SMG8: variants seen among roughly 807,000 people sequenced by gnomAD.
The protein encoded by SMG8 is SMG8 nonsense mediated mRNA decay factor.
A neutral mutation model predicts 82.1 loss-of-function variants in SMG8; 49 were observed. The ratio of observed to expected loss-of-function variants is 0.60; its 90% CI spans 0.47 to 0.76. The LOEUF is 0.76. Ranked by LOEUF, SMG8 falls within the 30% of genes least tolerant of loss-of-function variation. The pLI, the probability that SMG8 is intolerant of heterozygous loss-of-function variation, is 0.00. For synonymous variants in SMG8, 404 were observed against 430.0 expected (o/e 0.94, Z 0.75); for missense variants, 969 against 1,166.4 (o/e 0.83, Z 2.46).
Position 59,214,948 on chromosome 17 carries a change from G to A in SMG8, c.2922G>A (p.Val974=). 1.1e-6 allele frequency: 1 copy of A among 872,902 alleles called. No homozygotes were observed. The highest frequency in any genetic ancestry group is 2.4e-5 in the East Asian group (1 of 41,698). The allele number at this position is 872,902 out of a possible 1,614,324, so 54.1% of individuals were successfully genotyped here. The change falls in exon 4 of 4, where the codon GTG becomes GTA. Residue 974 remains valine, a synonymous_variant. Transcript: ENST00000300917. ...CTTGTTTCCCCCCTAAGGAAAATGT[G>A]CAGTTAATGAGCTACAAGGTGCTCC... The part of the protein sequence containing the change: ...RGPCFPPKEN[V]QLMSYKVLRG...
In SMG8 at chr17:59,210,732, C is replaced by G. The variant is rs1169670381; in HGVS notation, c.681C>G (p.Phe227Leu). ...CSFDITYDRV[F>L]RALDGLRQKV... is the part of the protein sequence containing the mutation. ...TTGATATCACTTATGATCGAGTATT[C>G]AGAGCCCTGGATGGGCTGAGACAGA... Residue 227 changes from phenylalanine to leucine, a missense_variant, in exon 1 of 4, where the codon TTC (phenylalanine) becomes TTG (leucine). Transcript: ENST00000300917. 4 of 1,613,920 alleles carry G rather than the reference C, an allele frequency of 2.5e-6. No individual in the cohort carries two copies. The African/African-American group carries it at 4.0e-5, about 16-fold the overall frequency.
rs767611353 is a variant in SMG8 at position 59,210,402 on chromosome 17, G to C, written c.351G>C (p.Arg117=). The C allele has an allele frequency of 1.2e-6, 2 of 1,611,114 alleles. No individual in the cohort carries two copies. Among genetic ancestry groups the C allele is most frequent in the Admixed American group, 3.4e-5 (2 of 59,264 alleles). Residue 117 remains arginine (R), a synonymous_variant, in exon 1 of 4, where the codon CGG becomes CGC. Coordinates refer to ENST00000300917, the MANE Select transcript of SMG8 (RefSeq NM_018149.7). The part of the protein sequence containing the change: ...DPGAAAGGSV[R]GSGAVAEGNR... ...GGGCTGCAGCCGGGGGTTCAGTTCG[G>C]GGAAGTGGAGCTGTCGCGGAAGGTA...
At chr17:59,211,991 CTTATT>C (rs1053335336) in intron 1 of SMG8, 181 bp downstream of exon 1, 1 of 513,508 alleles carries the variant, frequency 1.9e-6, no homozygotes, top group African/African-American at 2.0e-5. Flanking sequence ...TGACTACTTT[CTTATT>C]TTTTTTCATT....
In SMG8 at chr17:59,211,482, G is replaced by A. The variant is rs1158105802; in HGVS notation, c.1431G>A (p.Lys477=). 5 of 1,613,802 alleles carry A rather than the reference G, an allele frequency of 3.1e-6. No individual in the cohort carries two copies. The highest frequency in any genetic ancestry group is 1.7e-4 in the Middle Eastern group (1 of 6,060). The change falls in exon 1 of 4, where the codon AAG becomes AAA. Residue 477 remains lysine (K), a synonymous_variant. Coordinates refer to ENST00000300917, the MANE Select transcript of SMG8 (RefSeq NM_018149.7). The part of the protein sequence containing the change: ...LGSPTGELTS[K]ILSSIKVLEG... ...CACCCACTGGAGAGCTAACATCTAA[G>A]ATTTTAAGCAGTATTAAAGTCTTGG...
Position 59,211,367 on chromosome 17 carries a change from A to G in SMG8, c.1316A>G (p.His439Arg). The change falls in exon 1 of 4, where the codon CAT (histidine) becomes CGT (arginine). Residue 439 changes from histidine (H) to arginine (R), a missense_variant. By Grantham distance (29) the His-to-Arg change is conservative (BLOSUM62 0). Around this residue, in one of 3 missense-constraint regions of SMG8, gnomAD observed 662 missense variants for 884.8 expected, o/e 0.75. Coordinates refer to ENST00000300917, the MANE Select transcript of SMG8 (RefSeq NM_018149.7). ...DSVGRNPQPS[H>R]FELPTYQKWI... is the part of the protein sequence containing the mutation. ...GTGGGCAGGAACCCACAGCCTTCCC[A>G]TTTTGAACTTCCTACTTATCAGAAG... 5 of 1,614,224 alleles carry G rather than the reference A, an allele frequency of 3.1e-6. No homozygotes were observed. Among genetic ancestry groups the G allele is most frequent in the Non-Finnish European group, 4.2e-6 (5 of 1,180,040 alleles).
At chr17:59,213,975 A>C (rs1004085465) in intron 3 of SMG8, among the ~76,000 whole-genome samples, 9 of 152,274 alleles carry the variant, frequency 5.9e-5, no homozygotes, top group African/African-American at 2.2e-4. Context: ...CAAAGGCAGA[A>C]CTTGAAGTTA....
At position 59,212,991 on chromosome 17, in the gene SMG8, A is replaced by G. The variant is rs771979074; in HGVS notation, c.2168A>G (p.His723Arg). 6.2e-7 allele frequency: 1 copy of G among 1,614,202 alleles called. No individual in the cohort carries two copies. Among genetic ancestry groups the G allele is most frequent in the Non-Finnish European group, 8.5e-7 (1 of 1,180,042 alleles). The change falls in exon 3 of 4, where the codon CAT (histidine) becomes CGT (arginine). Residue 723 changes from histidine (H) to arginine (R), a missense_variant. His to Arg is a conservative substitution (Grantham distance 29). Transcript: ENST00000300917. ...GCAGGAGGAGATAATCCAGAAGTTC[A>G]TGGTCAAGTAGAAGTGAAAACTGAG... ...PQAGGDNPEV[H>R]GQVEVKTEKR...
chr17:59,210,296 A>G lies in SMG8; in HGVS notation c.245A>G (p.His82Arg), dbSNP rs1296539029. The G allele has an allele frequency of 1.2e-6, 2 of 1,613,078 alleles. No homozygotes were observed. Among genetic ancestry groups the G allele is most frequent in the Non-Finnish European group, 1.7e-6 (2 of 1,179,792 alleles). ...CGACAGGTCTTTCCTCTCTTTCGCCACCAAGATCCTGGGGATCCAGGACCT... is the reference window on the plus strand; with the variant it reads ...CGACAGGTCTTTCCTCTCTTTCGCCGCCAAGATCCTGGGGATCCAGGACCT... ...CDRQVFPLFR[H>R]QDPGDPGPGI... is the part of the protein sequence containing the mutation. The change falls in exon 1 of 4, where the codon CAC becomes CGC. Residue 82 changes from histidine (H) to arginine (R), a missense_variant. This residue lies in a region of SMG8 where 206 missense variants were observed against 190.5 expected (regional missense o/e 1.08). Coordinates refer to ENST00000300917, the MANE Select transcript of SMG8 (RefSeq NM_018149.7).
Position 59,211,181 on chromosome 17 carries a change from G to A in SMG8, c.1130G>A (p.Arg377Lys), listed in dbSNP as rs764268763. The stretch of plus-strand genomic sequence containing the variant: ...GTGCCTGCACCCCTTTCTGGGCCTA[G>A]GCGATACCAGGTGATGAGGCAGCAC... Reference protein sequence around the residue: ...LLVPAPLSGPRRYQVMRQHSR... With the variant: ...LLVPAPLSGPKRYQVMRQHSR... Residue 377 changes from arginine to lysine, a missense_variant, in exon 1 of 4, where the codon AGG (arginine) becomes AAG (lysine). Coordinates refer to ENST00000300917, the MANE Select transcript of SMG8 (RefSeq NM_018149.7). The A allele has an allele frequency of 6.2e-7, 1 of 1,614,212 alleles. No individual in the cohort carries two copies. Among genetic ancestry groups the A allele is most frequent in the Non-Finnish European group, 8.5e-7 (1 of 1,180,032 alleles).
Position 59,210,799 on chromosome 17 carries a change from G to A in SMG8, c.748G>A (p.Val250Ile). 4 of 1,614,164 alleles carry A rather than the reference G, an allele frequency of 2.5e-6. No homozygotes were observed. In the Middle Eastern group the frequency reaches 4.9e-4, roughly 200 times the overall value. ...LLKTAIKDCP[V>I]GKDWKLNCRP... is the part of the protein sequence containing the mutation. Reference sequence around the variant, plus strand: ...TAAAACAGCCATTAAGGATTGTCCAGTTGGCAAAGACTGGAAGCTAAACTG... The same window carrying A: ...TAAAACAGCCATTAAGGATTGTCCAATTGGCAAAGACTGGAAGCTAAACTG... Residue 250 changes from valine to isoleucine, a missense_variant, in exon 1 of 4, where the codon GTT becomes ATT. By Grantham distance (29) the Val-to-Ile change is conservative (BLOSUM62 3). Coordinates refer to ENST00000300917, the MANE Select transcript of SMG8 (RefSeq NM_018149.7).
chr17:59,211,192 G>A lies in SMG8; in HGVS notation c.1141G>A (p.Val381Met), dbSNP rs973561119. 2 of 1,614,120 alleles carry A rather than the reference G, an allele frequency of 1.2e-6. No individual in the cohort carries two copies. Among genetic ancestry groups the A allele is most frequent in the African/African-American group, 1.3e-5 (1 of 74,958 alleles). ...CCTTTCTGGGCCTAGGCGATACCAG[G>A]TGATGAGGCAGCACAGCCGACAACA... Reference protein sequence around the residue: ...APLSGPRRYQVMRQHSRQQLS... With the variant: ...APLSGPRRYQMMRQHSRQQLS... The change falls in exon 1 of 4, where the codon GTG becomes ATG. Residue 381 changes from valine to methionine, a missense_variant. Transcript: ENST00000300917.
chr17:59,213,125 T>G lies in SMG8; in HGVS notation c.2302T>G (p.Leu768Val). 1 of 1,614,196 alleles carries G rather than the reference T, an allele frequency of 6.2e-7. No individual in the cohort carries two copies. Among genetic ancestry groups the G allele is most frequent in the Non-Finnish European group, 8.5e-7 (1 of 1,180,040 alleles). Residue 768 changes from leucine to valine, a missense_variant, in exon 3 of 4, where the codon TTG (leucine) becomes GTG (valine). Leu to Val is a conservative substitution (Grantham distance 32). This residue lies in a region of SMG8 where 662 missense variants were observed against 884.8 expected (regional missense o/e 0.75). Transcript: ENST00000300917. ...CCTACCCAAATTCTCCAGCTGGTCT[T>G]TGGTTAAACTAGGCCCTGCTAAGTC... is the stretch of plus-strand genomic sequence containing the variant. Reference protein sequence around the residue: ...GLLPKFSSWSLVKLGPAKSYN... With the variant: ...GLLPKFSSWSVVKLGPAKSYN...
Position 59,210,590 on chromosome 17 carries a change from T to C in SMG8, c.539T>C (p.Leu180Ser), listed in dbSNP as rs139133010. 9 of 1,597,044 alleles carry C rather than the reference T, an allele frequency of 5.6e-6. No individual in the cohort carries two copies. The highest frequency in any genetic ancestry group is 6.8e-6 in the Non-Finnish European group (8 of 1,172,730). The change falls in exon 1 of 4, where the codon TTA becomes TCA. Residue 180 changes from leucine (L) to serine (S), a missense_variant. Coordinates refer to ENST00000300917, the MANE Select transcript of SMG8 (RefSeq NM_018149.7). Reference protein sequence around the residue: ...QSGEAGGGLSLPHAEAHEFWK... With the variant: ...QSGEAGGGLSSPHAEAHEFWK... The stretch of plus-strand genomic sequence containing the variant: ...GGGGAAGCTGGAGGTGGACTCTCTT[T>C]ACCTCATGCAGAAGCACACGAGTTC...
At chr17:59,213,707 C>CGTTAGCCTCAAAACTAA in intron 3 of SMG8, 106 bp downstream of exon 3, 4 of 1,408,228 alleles carry the variant, frequency 2.8e-6, no homozygotes, top group Non-Finnish European at 3.8e-6. Flanking sequence ...TTATTTCAGG[C>CGTTAGCCTCAAAACTAA]TGAGGGCAGT....
chr17:59,214,740 C>T, intron 3 of SMG8, 65 bp from the exon 4 acceptor site: 1 of 838,636 alleles, frequency 1.2e-6, no homozygotes, highest in Non-Finnish European at 2.1e-6. Flanking sequence ...TCTGTTTAGG[C>T]ATTTATCTTT....
chr17:59,210,600 A>G lies in SMG8; in HGVS notation c.549A>G (p.Ala183=). Residue 183 remains alanine, a synonymous_variant, in exon 1 of 4, where the codon GCA becomes GCG. Coordinates refer to ENST00000300917, the MANE Select transcript of SMG8 (RefSeq NM_018149.7). ...EAGGGLSLPH[A]EAHEFWKHQE... is the part of the protein sequence containing the mutation. ...GAGGTGGACTCTCTTTACCTCATGCAGAAGCACACGAGTTCTGGAAGCATC... is the reference window on the plus strand; with the variant it reads ...GAGGTGGACTCTCTTTACCTCATGCGGAAGCACACGAGTTCTGGAAGCATC... 6.2e-7 allele frequency: 1 copy of G among 1,601,698 alleles called. No individual in the cohort carries two copies. The highest frequency in any genetic ancestry group is 8.5e-7 in the Non-Finnish European group (1 of 1,174,636).
chr17:59,211,391 A>C lies in SMG8; in HGVS notation c.1340A>C (p.Lys447Thr). ...CATTTTGAACTTCCTACTTATCAGA[A>C]GTGGATCTCAGCAGCTTCAAAACTG... is the stretch of plus-strand genomic sequence containing the variant. ...PSHFELPTYQ[K>T]WISAASKLYE... is the part of the protein sequence containing the mutation. Residue 447 changes from lysine (K) to threonine (T), a missense_variant, in exon 1 of 4, where the codon AAG becomes ACG. Physicochemically the swap from Lys to Thr is moderately conservative, Grantham distance 78. This residue lies in a region of SMG8 where 662 missense variants were observed against 884.8 expected (regional missense o/e 0.75). Coordinates refer to ENST00000300917, the MANE Select transcript of SMG8 (RefSeq NM_018149.7). 1 of 1,614,194 alleles carries C rather than the reference A, an allele frequency of 6.2e-7. No individual in the cohort carries two copies.
At chr17:59,211,954 CCTG>C in intron 1 of SMG8, 144 bp downstream of exon 1, 1 of 670,528 alleles carries the variant, frequency 1.5e-6, no homozygotes, top group Non-Finnish European at 2.2e-6. Flanking sequence ...CGTTTTCTCT[CCTG>C]CTGTAAAAGG....
chr17:59,214,611 G>T (rs576493758), intron 3 of SMG8, among the ~76,000 whole-genome samples, 194 bp from the exon 4 acceptor site: 5 of 152,132 alleles, frequency 3.3e-5, no homozygotes, highest in African/African-American at 1.2e-4. Flanking sequence ...GTTTCTCCAT[G>T]TTGGCCAGGC....
Sources: allele counts gnomAD v4.1 joint callset (sites outside exome capture counted in the v4.1 genomes callset), GRCh38; gene constraint gnomAD v4.1.1; regional missense constraint gnomAD v4.1.1; transcripts MANE v1.5; gene names NCBI Gene and HGNC (gene_info 2026-07-23, HGNC 2026-07-21).